TH: variants seen among roughly 807,000 people sequenced by gnomAD.
TH encodes tyrosine hydroxylase.
TH carries 49 observed loss-of-function variants against 57.4 expected under a neutral mutation model. The ratio of observed to expected loss-of-function variants is 0.85; its 90% CI spans 0.68 to 1.08. The LOEUF (loss-of-function observed/expected upper bound fraction) is 1.08. Ranked by LOEUF, TH falls within the 50% of genes least tolerant of loss-of-function variation. The pLI is 0.00. For missense variants in TH, 720 were observed against 696.7 expected (o/e 1.03, Z -0.38); for synonymous variants, 330 against 304.5 (o/e 1.08, Z -0.87).
intron 12 of TH, 137 bp downstream of exon 12, chr11:2,165,095 G>T: frequency 7.7e-7 from 1 of 1,303,710 alleles, no homozygotes; most frequent in Middle Eastern, 2.3e-4. Context: ...GCTGTGTGGG[G>T]GCTGCTGCAA....
chr11:2,171,448 C>T lies in TH; in HGVS notation c.90+249G>A, dbSNP rs1035915791. 2.0e-5 allele frequency among the ~76,000 whole-genome samples: 3 copies of T among 152,168 alleles called. No homozygotes were observed. Among genetic ancestry groups the T allele is most frequent in the South Asian group, 4.2e-4 (2 of 4,812 alleles). On this transcript the variant is annotated intron_variant, in intron 1 of 12. Coordinates refer to ENST00000352909, the MANE Select transcript of TH (RefSeq NM_000360.4). The surrounding 1 kb of genome is among the most constrained non-coding windows in gnomAD (Gnocchi z 8.6). ...AAGACACAGAGACCCACACGACCCCCGAGAGAGGTCGGCCTAAGAGGGGCA... is the reference window on the plus strand; with the variant it reads ...AAGACACAGAGACCCACACGACCCCTGAGAGAGGTCGGCCTAAGAGGGGCA...
Position 2,166,632 on chromosome 11 carries a change from C to T in TH, c.977+1G>A, listed in dbSNP as rs1057516736. On this transcript the variant is annotated splice_donor_variant, in intron 8 of 12. Transcript: ENST00000352909. LOFTEE classifies it high-confidence loss of function. The stretch of plus-strand genomic sequence containing the variant: ...GGCTGGCGGCCAGGGCGCGCACTCA[C>T]GGCTCAGGGGAGTGCATGGGCGAGG... The T allele has an allele frequency of 1.3e-6, 2 of 1,579,766 alleles. No homozygotes were observed. The highest frequency in any genetic ancestry group is 1.2e-5 in the South Asian group (1 of 86,522).
chr11:2,165,509 G>T, intron 11 of TH, 144 bp from the exon 12 acceptor site: 1 of 1,398,038 alleles, frequency 7.2e-7, no homozygotes, highest in Non-Finnish European at 9.9e-7. Context: ...CTGGGATAAT[G>T]TGGGGTGAGG....
Position 2,171,802 on chromosome 11 carries a change from T to A in TH, c.-16A>T, listed in dbSNP as rs767385515. On this transcript the variant is annotated 5_prime_UTR_variant, in exon 1 of 13. Coordinates refer to ENST00000352909, the MANE Select transcript of TH (RefSeq NM_000360.4). The surrounding 1 kb of genome is among the most constrained non-coding windows in gnomAD (Gnocchi z 8.6). The stretch of plus-strand genomic sequence containing the variant: ...GGGTGGGCATGGCTCAGTGTGGAGG[T>A]CCGGGCTCCGTCTCCACAGCCCTGG... 10 of 1,606,982 alleles carry A rather than the reference T, an allele frequency of 6.2e-6. No homozygotes were observed. Among genetic ancestry groups the A allele is most frequent in the Non-Finnish European group, 6.8e-6 (8 of 1,178,052 alleles).
intron 5 of TH, 186 bp downstream of exon 5, chr11:2,167,680 C>T: frequency 9.3e-7 from 1 of 1,075,734 alleles, no homozygotes; most frequent in Admixed American, 2.1e-5. Context: ...TTGCTCTAGC[C>T]CCCCTGGGCC....
In TH at chr11:2,171,720, C is replaced by T. The variant is rs201081519; in HGVS notation, c.67G>A (p.Ala23Thr). 2.8e-4 allele frequency: 452 copies of T among 1,612,682 alleles called. No homozygotes were observed. The highest frequency in any genetic ancestry group is 5.3e-4 in the South Asian group (48 of 91,068). ...GFRRAVSELDAKQAEAIMSPR... is the reference protein window; with the variant it reads ...GFRRAVSELDTKQAEAIMSPR... Reference sequence around the variant, plus strand: ...ACCATGATGGCCTCTGCCTGCTTGGCGTCCAGCTCAGACACGGCCCTGCGG... The same window carrying T: ...ACCATGATGGCCTCTGCCTGCTTGGTGTCCAGCTCAGACACGGCCCTGCGG... The change falls in exon 1 of 13, where the codon GCC becomes ACC. Residue 23 changes from alanine (A) to threonine (T), a missense_variant. Ala to Thr is a moderately conservative substitution (Grantham distance 58). Transcript: ENST00000352909. The surrounding 1 kb of genome is among the most constrained non-coding windows in gnomAD (Gnocchi z 8.6).
rs756013579 is a variant in TH at position 2,168,634 on chromosome 11, G to C, written c.344C>G (p.Thr115Ser). 2 of 1,610,892 alleles carry C rather than the reference G, an allele frequency of 1.2e-6. No homozygotes were observed. The highest frequency in any genetic ancestry group is 1.7e-5 in the Admixed American group (1 of 59,772). The change falls in exon 3 of 13, where the codon ACC becomes AGC. Residue 115 changes from threonine to serine, a missense_variant. Transcript: ENST00000352909. ...AGCTCGCGGCCTCTGGGCGGGCCGG[G>C]TCTCTAGATGGTGGATTTTGGCTTC... ...TFEAKIHHLE[T>S]RPAQRPRAGG...
At chr11:2,167,716 A>G in intron 5 of TH, 150 bp downstream of exon 5, 1 of 1,169,470 alleles carries the variant, frequency 8.6e-7, no homozygotes, top group Middle Eastern at 2.0e-4. Context: ...GGATTTGGGG[A>G]CATGGAAAGC....
At chr11:2,167,392 C>G (rs903715632) in intron 6 of TH, 43 bp downstream of exon 6, 2 of 1,548,538 alleles carry the variant, frequency 1.3e-6, no homozygotes, top group Non-Finnish European at 1.7e-6. Flanking sequence ...CAGGAGGCAT[C>G]CCCCGGGCTC....
chr11:2,171,368 G>T lies in TH; in HGVS notation c.90+329C>A, dbSNP rs1846252666. Among the ~76,000 whole-genome samples, 1 of 151,912 alleles carries T rather than the reference G, an allele frequency of 6.6e-6. No individual in the cohort carries two copies. Among genetic ancestry groups the T allele is most frequent in the Non-Finnish European group, 1.5e-5 (1 of 67,952 alleles). On this transcript the variant is annotated intron_variant, in intron 1 of 12. Coordinates refer to ENST00000352909, the MANE Select transcript of TH (RefSeq NM_000360.4). This position sits in a 1 kb window ranked among gnomAD's most constrained non-coding sequence, Gnocchi z 8.6. ...CAGCCGGGGACCTCTGGCCATCTTGGATTTTTTGGATGGATTTGTTTCCAC... is the reference window on the plus strand; with the variant it reads ...CAGCCGGGGACCTCTGGCCATCTTGTATTTTTTGGATGGATTTGTTTCCAC...
chr11:2,167,882 C>T lies in TH; in HGVS notation c.628G>A (p.Ala210Thr), dbSNP rs1260455415. 6.2e-7 allele frequency: 1 copy of T among 1,608,186 alleles called. No homozygotes were observed. The highest frequency in any genetic ancestry group is 8.5e-7 in the Non-Finnish European group (1 of 1,177,752). The change falls in exon 5 of 13, where the codon GCC becomes ACC. Residue 210 changes from alanine (A) to threonine (T), a missense_variant. Physicochemically the swap from Ala to Thr is moderately conservative, Grantham distance 58 (BLOSUM62 0). Coordinates refer to ENST00000352909, the MANE Select transcript of TH (RefSeq NM_000360.4). ...RQRRKLIAEI[A>T]FQYRHGDPIP... ...GCCCCTCACTGCCTGTACTGGAAGG[C>T]GATCTCAGCAATCAGCTTCCTGCGC...
rs996726361 is a variant in TH, at chr11:2,166,063, G to A, written c.1048-5C>T. ...CAGGGACGCCAGGCCAATGTCCTGT[G>A]GAGCAGGGAGGATGAAGGATGGGGA... is the stretch of plus-strand genomic sequence containing the variant. On this transcript the variant is annotated splice_polypyrimidine_tract_variant and splice_region_variant and intron_variant, in intron 9 of 12. Transcript: ENST00000352909. 3.2e-6 allele frequency: 5 copies of A among 1,553,538 alleles called. No homozygotes were observed. The highest frequency in any genetic ancestry group is 2.0e-5 in the Admixed American group (1 of 51,108).
At position 2,165,236 on chromosome 11, in the gene TH, G is replaced by C. The variant is rs201781467; in HGVS notation, c.1330C>G (p.Leu444Val). 7 of 1,612,902 alleles carry C rather than the reference G, an allele frequency of 4.3e-6. No individual in the cohort carries two copies. Among genetic ancestry groups the C allele is most frequent in the Non-Finnish European group, 5.9e-6 (7 of 1,179,990 alleles). ...TGCCCTAGCAGCCTAGCCCACCTGA[G>C]CTTGTCCTTGGCGTCACTGAAGCTC... ...SESFSDAKDK[L>V]RSYASRIQRP... is the part of the protein sequence containing the mutation. Residue 444 changes from leucine to valine, a missense_variant, in exon 12 of 13, where the codon CTC (leucine) becomes GTC (valine). Transcript: ENST00000352909.
In TH at chr11:2,170,018, T is replaced by C. The variant is rs1445628594; in HGVS notation, c.91-147A>G. On this transcript the variant is annotated intron_variant, in intron 1 of 12. Transcript: ENST00000352909. The surrounding 1 kb of genome is among the most constrained non-coding windows in gnomAD (Gnocchi z 6.0). ...TTTTGAGCGCCTACTGTGTGCCTGC[T>C]GGGGCAGATGCTAGCCGAGGTGCCT... 9.4e-6 allele frequency: 8 copies of C among 853,766 alleles called. No homozygotes were observed. In the East Asian group the frequency reaches 1.6e-4, roughly 17 times the overall value. 52.9% of individuals were successfully genotyped at this position (853,766 alleles called of 1,614,324 possible).
At position 2,170,556 on chromosome 11, in the gene TH, A is replaced by G; in HGVS notation, c.91-685T>C. On this transcript the variant is annotated intron_variant, in intron 1 of 12. Coordinates refer to ENST00000352909, the MANE Select transcript of TH (RefSeq NM_000360.4). This position sits in a 1 kb window ranked among gnomAD's most constrained non-coding sequence, Gnocchi z 6.0. ...GGGACTTGGCAGACACCTGGGGCTC[A>G]TCCCTTGGAGCTGAACTCCCAAGAA... The G allele has an allele frequency of 1.2e-6, 1 of 842,780 alleles. No individual in the cohort carries two copies. The highest frequency in any genetic ancestry group is 2.0e-6 in the Non-Finnish European group (1 of 510,870). 52.2% of individuals were successfully genotyped at this position (842,780 alleles called of 1,614,324 possible). A position where few individuals can be genotyped will look rare whatever the true frequency, so the allele number is the denominator to read the frequency against.
rs1590163980 is a variant in TH, at chr11:2,164,276, T to TGA, written c.1450_1451insTC (p.Asp484ValfsTer11). 1 of 1,502,942 alleles carries TGA rather than the reference T, an allele frequency of 6.7e-7. No homozygotes were observed. Among genetic ancestry groups the TGA allele is most frequent in the Non-Finnish European group, 8.9e-7 (1 of 1,123,258 alleles). The allele number at this position is 1,502,942 out of a possible 1,614,324, so 93.1% of individuals were successfully genotyped here. On this transcript the variant is annotated frameshift_variant, in exon 13 of 13. Coordinates refer to ENST00000352909, the MANE Select transcript of TH (RefSeq NM_000360.4). LOFTEE classifies it high-confidence loss of function. Reference sequence around the variant, plus strand: ...CGCATGGGCAAGGGTGTCCAGCTCATCCTGGACACCCTCCAGGGAGCGCCG... The same window carrying TGA: ...CGCATGGGCAAGGGTGTCCAGCTCATGACCTGGACACCCTCCAGGGAGCGCCG...
At chr11:2,164,616 G>A (rs1456866914) in intron 12 of TH, among the ~76,000 whole-genome samples, 4 of 152,196 alleles carry the variant, frequency 2.6e-5, no homozygotes, top group South Asian at 2.1e-4. Context: ...AGAGACTGCC[G>A]GGCACCCCAT....
chr11:2,169,027 G>C (rs1332386675), intron 2 of TH, among the ~76,000 whole-genome samples: 1 of 152,208 alleles, frequency 6.6e-6, no homozygotes, highest in Non-Finnish European at 1.5e-5. Flanking sequence ...ATCCAGGTTT[G>C]TAGGATGGGC....
At chr11:2,166,580 G>GGCC in intron 8 of TH, 31 bp from the exon 9 acceptor site, 1 of 1,590,364 alleles carries the variant, frequency 6.3e-7, no homozygotes. Context: ...GGGGCTGAGG[G>GGCC]GCCGCCCGTC....
Sources: gnomAD v4.1 joint callset for allele counts (sites outside exome capture counted in the v4.1 genomes callset) on GRCh38, gnomAD v4.1.1 for gene constraint, Gnocchi (gnomAD v3.1) non-coding constraint, MANE v1.5 for transcripts, NCBI Gene and HGNC (gene_info 2026-07-23, HGNC 2026-07-21) for gene names.